The following GALNT9 variants were observed in gnomAD, a reference collection of about 807,000 sequenced individuals.
GALNT9 encodes polypeptide N-acetylgalactosaminyltransferase 9, also known as GalNAc transferase 9.
A neutral mutation model predicts 63.1 loss-of-function variants in GALNT9; 47 were observed. The ratio of observed to expected loss-of-function variants is 0.75; its 90% CI spans 0.59 to 0.95. The LOEUF (loss-of-function observed/expected upper bound fraction) is 0.95. Ranked by LOEUF, GALNT9 falls within the 40% of genes least tolerant of loss-of-function variation. The pLI is 0.00. For synonymous variants in GALNT9, 396 were observed against 365.7 expected, an observed-to-expected ratio of 1.08 and a Z score of -0.94; for missense variants, 829 against 874.8, an observed-to-expected ratio of 0.95 and a Z score of 0.66.
chr12:132,201,811 G>A (rs758295192), intron 7 of GALNT9, among the ~76,000 whole-genome samples: 7 of 152,212 alleles, frequency 4.6e-5, no homozygotes, highest in Non-Finnish European at 5.9e-5. Flanking sequence ...CTGCCCAGGC[G>A]TCTCTTCCCT....
rs1027988450 is a variant in GALNT9 at position 132,247,510 on chromosome 12, A to T, written c.1077+400T>A. On this transcript the variant is annotated intron_variant, in intron 6 of 10. Coordinates refer to ENST00000328957, the MANE Select transcript of GALNT9 (RefSeq NM_001122636.2). Reference sequence around the variant, plus strand: ...GCTTGGCTTCCAGCTGCCTCAGCCTAGGCTCTGGAGAGGGCTCAGTGCGCT... The same window carrying T: ...GCTTGGCTTCCAGCTGCCTCAGCCTTGGCTCTGGAGAGGGCTCAGTGCGCT... 10 of 433,656 alleles carry T rather than the reference A, an allele frequency of 2.3e-5. No homozygotes were observed. The Admixed American group carries it at 2.5e-4, about 11-fold the overall frequency. The allele number at this position is 433,656 out of a possible 1,614,324, so 26.9% of individuals were successfully genotyped here.
intron 8 of GALNT9, 79 bp downstream of exon 8, chr12:132,201,045 T>A (rs1876042206): frequency 7.4e-7 from 1 of 1,348,746 alleles, no homozygotes; most frequent in Admixed American, 1.9e-5. Flanking sequence ...TGTGCCTGCA[T>A]CACCCTGAAT....
chr12:132,239,325 G>GAA (rs144984523), intron 6 of GALNT9, among the ~76,000 whole-genome samples: 1 of 104,872 alleles, frequency 9.5e-6, no homozygotes, highest in African/African-American at 4.0e-5. Context: ...GAGACTGAGA[G>GAA]AGAGAGACAG....
chr12:132,243,713 C>G (rs1275770790), intron 6 of GALNT9, among the ~76,000 whole-genome samples: 2 of 152,206 alleles, frequency 1.3e-5, no homozygotes, highest in African/African-American at 4.8e-5. Context: ...CCACTGAACT[C>G]CACGTGTCCA....
intron 6 of GALNT9, among the ~76,000 whole-genome samples, chr12:132,207,680 T>C (rs367894205): frequency 8.5e-5 from 13 of 152,316 alleles, no homozygotes; most frequent in East Asian, 7.7e-4. Flanking sequence ...GCTGAGGACC[T>C]GTCACAGCCG....
At chr12:132,243,580 G>T (rs1383557096) in intron 6 of GALNT9, among the ~76,000 whole-genome samples, 1 of 152,122 alleles carries the variant, frequency 6.6e-6, no homozygotes, top group African/African-American at 2.4e-5. Flanking sequence ...TGGCTCCCAG[G>T]AGACCCCAGT....
intron 1 of GALNT9, among the ~76,000 whole-genome samples, chr12:132,287,219 G>A (rs540057532): frequency 6.6e-6 from 1 of 152,206 alleles, no homozygotes; most frequent in Non-Finnish European, 1.5e-5. Context: ...CTCATCGACA[G>A]TGACACAGTC....
intron 6 of GALNT9, among the ~76,000 whole-genome samples, chr12:132,228,149 C>T (rs1348172580): frequency 5.9e-5 from 9 of 152,144 alleles, no homozygotes; most frequent in Admixed American, 3.9e-4. Flanking sequence ...GACAAAGCAG[C>T]TCTAGAGAAC....
intron 1 of GALNT9, among the ~76,000 whole-genome samples, chr12:132,325,793 T>C (rs1480503445): frequency 1.4e-4 from 21 of 152,186 alleles, no homozygotes; most frequent in Non-Finnish European, 2.8e-4. Flanking sequence ...ACAACCTCCC[T>C]CACAACCAAC....
intron 1 of GALNT9, among the ~76,000 whole-genome samples, chr12:132,291,549 A>ATCCACAGCACCCACG: frequency 5.4e-5 from 7 of 129,760 alleles, no homozygotes; most frequent in Admixed American, 7.5e-5. Context: ...CACCACCGAC[A>ATCCACAGCACCCACG]TCCACAGCAC....
chr12:132,254,057 C>T (rs1216909886), intron 5 of GALNT9, among the ~76,000 whole-genome samples: 1 of 151,048 alleles, frequency 6.6e-6, no homozygotes, highest in Non-Finnish European at 1.5e-5. Flanking sequence ...ATTTCGCTCT[C>T]GTTGCCCAGG....
rs115918386 is a variant in GALNT9, at chr12:132,210,369, G to C, written c.1078-6679C>G. On this transcript the variant is annotated intron_variant, in intron 6 of 10. Coordinates refer to ENST00000328957, the MANE Select transcript of GALNT9 (RefSeq NM_001122636.2). Reference sequence around the variant, plus strand: ...TGTTCTTCTGGTCAAGGCAAGCAAAGCAACAGGGCTCGTAGGGTTCTCCTG... The same window carrying C: ...TGTTCTTCTGGTCAAGGCAAGCAAACCAACAGGGCTCGTAGGGTTCTCCTG... 2.5e-3 allele frequency among the ~76,000 whole-genome samples: 377 copies of C among 152,362 alleles called. 3 individuals are homozygous for C. The highest frequency in any genetic ancestry group is 8.7e-3 in the African/African-American group (360 of 41,586).
intron 2 of GALNT9, among the ~76,000 whole-genome samples, chr12:132,271,296 G>A (rs771151258): frequency 1.1e-4 from 16 of 152,228 alleles, no homozygotes; most frequent in Non-Finnish European, 2.1e-4. Context: ...GGGAGGAGGA[G>A]ACAGGAGAGA....
intron 7 of GALNT9, 111 bp from the exon 8 acceptor site, chr12:132,201,372 T>TC (rs999024139): frequency 1.5e-4 from 100 of 672,810 alleles, no homozygotes; most frequent in Middle Eastern, 2.9e-4. Context: ...AGGAGCAGCC[T>TC]CCCCCCCAGT....
In GALNT9 at chr12:132,279,045, G is replaced by A. The variant is rs925735782; in HGVS notation, c.419+7205C>T. The A allele has an allele frequency of 8.5e-5, 13 of 152,304 alleles. No individual in the cohort carries two copies. Among genetic ancestry groups the A allele is most frequent in the African/African-American group, 2.7e-4 (11 of 41,462 alleles). 9.4% of individuals were successfully genotyped at this position (152,304 alleles called of 1,614,324 possible). ...CTACCATCAGACCCCACGGCATGGT[G>A]ACTGTCACTGCAGAGGGCTAGAGAG... On this transcript the variant is annotated intron_variant, in intron 2 of 10. Transcript: ENST00000328957. The surrounding 1 kb of genome is among the most constrained non-coding windows in gnomAD (Gnocchi z 4.1).
chr12:132,196,625 G>GGAGCTGCATTATGATGTGTGACTTA lies in GALNT9; in HGVS notation c.*457_*481dup. 1 of 991,706 alleles carries GGAGCTGCATTATGATGTGTGACTTA rather than the reference G, an allele frequency of 1.0e-6. No homozygotes were observed. Among genetic ancestry groups the GGAGCTGCATTATGATGTGTGACTTA allele is most frequent in the African/African-American group, 1.7e-5 (1 of 57,444 alleles). The allele number at this position is 991,706 out of a possible 1,614,324, so 61.4% of individuals were successfully genotyped here. ...CAGCACCCCTCTTACCAGACCACAA[G>GGAGCTGCATTATGATGTGTGACTTA]GAGCTGCATTATGATGTGTGACTTA... On this transcript the variant is annotated 3_prime_UTR_variant, in exon 11 of 11. Transcript: ENST00000328957.
intron 5 of GALNT9, among the ~76,000 whole-genome samples, chr12:132,251,065 G>A (rs554560248): frequency 2.6e-5 from 4 of 152,188 alleles, no homozygotes; most frequent in Admixed American, 6.5e-5. Context: ...GGAACACGTC[G>A]AGAATAACGC....
chr12:132,235,753 C>T (rs1374761488), intron 6 of GALNT9, among the ~76,000 whole-genome samples: 2 of 82,614 alleles, frequency 2.4e-5, no homozygotes, highest in Non-Finnish European at 4.5e-5. Context: ...GTTCAACCCT[C>T]GGGACAGGGC....
intron 1 of GALNT9, among the ~76,000 whole-genome samples, chr12:132,304,327 A>G (rs1275773237): frequency 1.3e-5 from 1 of 78,816 alleles, no homozygotes; most frequent in Non-Finnish European, 2.4e-5. Flanking sequence ...AGAATCGCCC[A>G]GACACACCCT....
Sources: allele counts gnomAD v4.1 joint callset (sites outside exome capture counted in the v4.1 genomes callset), GRCh38; gene constraint gnomAD v4.1.1; non-coding constraint Gnocchi (gnomAD v3.1); transcripts MANE v1.5; gene names NCBI Gene and HGNC (gene_info 2026-07-23, HGNC 2026-07-21).